Variants in LY86 observed in about 807,000 individuals in gnomAD.
LY86 encodes the protein lymphocyte antigen 86, also known as MD-1, RP105-associated.
A neutral mutation model predicts 17.3 loss-of-function variants in LY86; 20 were observed. That is an observed-to-expected ratio of 1.15 (90% CI 0.81 to 1.68). The LOEUF (loss-of-function observed/expected upper bound fraction) is 1.68. Among genes scored for constraint, LY86 ranks in the 40% most tolerant of loss-of-function variants. The pLI is 0.00. For missense variants in LY86, 200 were observed against 191.9 expected, an observed-to-expected ratio of 1.04 and a Z score of -0.25; for synonymous variants, 74 against 70.6, an observed-to-expected ratio of 1.05 and a Z score of -0.24.
intron 3 of LY86, among the ~76,000 whole-genome samples, chr6:6,636,114 C>T (rs544829397): frequency 2.0e-5 from 3 of 152,290 alleles, no homozygotes; most frequent in Admixed American, 6.5e-5. Flanking sequence ...TGAGAATTTG[C>T]ATTTCTTACA....
intron 1 of LY86, among the ~76,000 whole-genome samples, chr6:6,622,270 C>A (rs1426257793): frequency 6.6e-6 from 1 of 152,078 alleles, no homozygotes; most frequent in Non-Finnish European, 1.5e-5. Context: ...CTATCTATAC[C>A]TTTAAAATAT....
chr6:6,605,578 A>G (rs139501826), intron 1 of LY86, among the ~76,000 whole-genome samples: 1 of 152,284 alleles, frequency 6.6e-6, no homozygotes, highest in South Asian at 2.1e-4. Flanking sequence ...GAGAAAGCGC[A>G]TGACAGCTGT....
intron 3 of LY86, among the ~76,000 whole-genome samples, chr6:6,648,255 G>C (rs544173386): frequency 7.2e-5 from 11 of 152,258 alleles, no homozygotes; most frequent in African/African-American, 2.6e-4. Flanking sequence ...CTACACAGCA[G>C]AATGTCTCTG....
intron 1 of LY86, chr6:6,620,855 G>A (rs921948650): frequency 1.3e-5 from 2 of 152,402 alleles, no homozygotes; most frequent in Middle Eastern, 3.4e-3. Flanking sequence ...TTTTCTAGAA[G>A]AGATTTGATT....
At chr6:6,603,131 C>T (rs1379806011) in intron 1 of LY86, among the ~76,000 whole-genome samples, 2 of 152,092 alleles carry the variant, frequency 1.3e-5, no homozygotes, top group Non-Finnish European at 2.9e-5. Flanking sequence ...CCTCAGGCCT[C>T]TTTTATGAAG....
chr6:6,605,362 G>C (rs781715899), intron 1 of LY86, among the ~76,000 whole-genome samples: 2 of 152,218 alleles, frequency 1.3e-5, no homozygotes, highest in African/African-American at 4.8e-5. Flanking sequence ...TCAATTCTAG[G>C]CTTGGCTGGG....
intron 3 of LY86, among the ~76,000 whole-genome samples, chr6:6,633,514 C>A (rs1761923561): frequency 6.6e-6 from 1 of 152,054 alleles, no homozygotes; most frequent in Non-Finnish European, 1.5e-5. Context: ...ATCTGTGATA[C>A]CATCCCATGA....
chr6:6,598,791 C>A (rs964430609), intron 1 of LY86, among the ~76,000 whole-genome samples: 5 of 101,834 alleles, frequency 4.9e-5, no homozygotes, highest in Non-Finnish European at 1.1e-4. Context: ...CCTGCCCTTG[C>A]CTTCTCCACA....
intron 1 of LY86, among the ~76,000 whole-genome samples, chr6:6,614,377 CTTTT>C (rs57187485): frequency 2.1e-5 from 3 of 145,536 alleles, no homozygotes; most frequent in East Asian, 2.0e-4. Context: ...AATCACGTCT[CTTTT>C]TTTTTTTTTT....
In LY86 at chr6:6,605,321, T is replaced by TG. The variant is rs966103977; in HGVS notation, c.136+16456dup. On this transcript the variant is annotated intron_variant, in intron 1 of 4. Coordinates refer to ENST00000230568, the MANE Select transcript of LY86 (RefSeq NM_004271.4). ...GGCAGGAATTTGGGTGTGGTTTAGT[T>TG]GGGGGTCTCTGGGAAAAGGTGATGA... is the stretch of plus-strand genomic sequence containing the variant. Among the ~76,000 whole-genome samples, 12 of 152,314 alleles carry TG rather than the reference T, an allele frequency of 7.9e-5. No homozygotes were observed. In the South Asian group the frequency reaches 1.0e-3, roughly 13 times the overall value.
chr6:6,612,517 A>AAAAAGAAC (rs1554124692), intron 1 of LY86, among the ~76,000 whole-genome samples: 1 of 78,122 alleles, frequency 1.3e-5, no homozygotes, highest in East Asian at 7.7e-4. Context: ...TGCAAAAAGC[A>AAAAAGAAC]AAAGAACAAA....
chr6:6,614,311 G>T (rs1002479963), intron 1 of LY86, among the ~76,000 whole-genome samples: 3 of 152,002 alleles, frequency 2.0e-5, no homozygotes, highest in African/African-American at 7.3e-5. Flanking sequence ...GGCTACAAAA[G>T]ATGTTGCTTG....
intron 1 of LY86, among the ~76,000 whole-genome samples, chr6:6,603,591 C>CAAA (rs779324556): frequency 4.3e-5 from 1 of 23,372 alleles, no homozygotes; most frequent in African/African-American, 8.2e-5. Flanking sequence ...AAGCCAAAAA[C>CAAA]AAAAACAGAA....
intron 4 of LY86, 78 bp from the exon 5 acceptor site, chr6:6,654,466 G>A (rs1762231138): frequency 8.9e-7 from 1 of 1,128,408 alleles, no homozygotes; most frequent in South Asian, 1.3e-5. Context: ...GCACATAAAA[G>A]TTTCTCTGTA....
intron 1 of LY86, among the ~76,000 whole-genome samples, chr6:6,616,875 A>G (rs543199396): frequency 6.6e-6 from 1 of 152,342 alleles, no homozygotes; most frequent in Non-Finnish European, 1.5e-5. Context: ...CAAGAGACAG[A>G]CAAATGCGTA....
At chr6:6,601,727 AAAG>A (rs1369069013) in intron 1 of LY86, among the ~76,000 whole-genome samples, 1 of 149,702 alleles carries the variant, frequency 6.7e-6, no homozygotes, top group African/African-American at 2.4e-5. Flanking sequence ...CTCGAAAAAA[AAAG>A]AAAAAAAAAG....
intron 1 of LY86, among the ~76,000 whole-genome samples, chr6:6,602,391 C>T (rs1470566663): frequency 6.6e-6 from 1 of 152,204 alleles, no homozygotes; most frequent in African/African-American, 2.4e-5. Context: ...TTCCAAAAGA[C>T]AGCCGAAGGC....
chr6:6,604,089 T>C (rs987765579), intron 1 of LY86, among the ~76,000 whole-genome samples: 1 of 152,156 alleles, frequency 6.6e-6, no homozygotes, highest in African/African-American at 2.4e-5. Context: ...GGTTCTTGAT[T>C]GGGAACATCT....
At chr6:6,649,735 GGC>G in intron 4 of LY86, 58 bp downstream of exon 4, 15 of 969,534 alleles carry the variant, frequency 1.5e-5, no homozygotes, top group Non-Finnish European at 2.1e-5. Context: ...AGAAGAAGAA[GGC>G]TAGAAGGAGG....
Sources: allele counts gnomAD v4.1 joint callset (sites outside exome capture counted in the v4.1 genomes callset), GRCh38; gene constraint gnomAD v4.1.1; transcripts MANE v1.5; gene names NCBI Gene and HGNC (gene_info 2026-07-23, HGNC 2026-07-21).